CTBS: variants seen among roughly 807,000 people sequenced by gnomAD.
CTBS encodes di-N-acetylchitobiase.
CTBS carries 35 observed loss-of-function variants against 44.3 expected under a neutral mutation model. That is an observed-to-expected ratio of 0.79 (90% CI 0.60 to 1.05). The LOEUF is 1.05. CTBS is among the 50% of genes least tolerant of loss of function. The pLI is 0.00. For missense variants in CTBS, 458 were observed against 475.3 expected, an observed-to-expected ratio of 0.96 and a Z score of 0.34; for synonymous variants, 143 against 168.0, an observed-to-expected ratio of 0.85 and a Z score of 1.15.
At position 84,563,845 on chromosome 1, in the gene CTBS, G is replaced by A. The variant is rs769496248; in HGVS notation, c.698-13C>T. The A allele has an allele frequency of 1.3e-5, 20 of 1,593,816 alleles. No homozygotes were observed. The Middle Eastern group carries it at 6.7e-4, about 53-fold the overall frequency. ...TAGTCATTATATCCTAGTCAAGCAG[G>A]AGAGAAAAAGCATATTTGTTTCTCT... On this transcript the variant is annotated splice_polypyrimidine_tract_variant and intron_variant, in intron 4 of 6. Coordinates refer to ENST00000370630, the MANE Select transcript of CTBS (RefSeq NM_004388.3).
intron 6 of CTBS, among the ~76,000 whole-genome samples, chr1:84,559,350 G>A (rs1448355796): frequency 6.6e-6 from 1 of 152,196 alleles, no homozygotes; most frequent in Non-Finnish European, 1.5e-5. Context: ...GCTAGGCGCG[G>A]TAGCTCACGC....
At chr1:84,572,669 T>A (rs1647348497) in intron 1 of CTBS, among the ~76,000 whole-genome samples, 1 of 151,782 alleles carries the variant, frequency 6.6e-6, no homozygotes, top group Non-Finnish European at 1.5e-5. Context: ...CAGGTTTTTT[T>A]TTTTTCTCTT....
intron 4 of CTBS, among the ~76,000 whole-genome samples, chr1:84,564,965 G>C (rs1558628857): frequency 6.6e-6 from 1 of 152,046 alleles, no homozygotes; most frequent in Non-Finnish European, 1.5e-5. Context: ...CTTAAGCCCA[G>C]GAGGTCGAGG....
Position 84,550,458 on chromosome 1 carries a change from G to A in CTBS, c.*4541C>T, listed in dbSNP as rs752507153. ...ATTACCTAATAATCCAGATCACTGAGGTACAGCATGCAATTGACCAGCTTA... is the reference window on the plus strand; with the variant it reads ...ATTACCTAATAATCCAGATCACTGAAGTACAGCATGCAATTGACCAGCTTA... On this transcript the variant is annotated 3_prime_UTR_variant, in exon 7 of 7. Transcript: ENST00000370630. The A allele has an allele frequency of 1.6e-5, 25 of 1,560,466 alleles. No homozygotes were observed. Among genetic ancestry groups the A allele is most frequent in the Non-Finnish European group, 2.2e-5 (25 of 1,151,486 alleles).
chr1:84,572,218 A>AT (rs1419435343), intron 1 of CTBS, among the ~76,000 whole-genome samples: 7 of 151,316 alleles, frequency 4.6e-5, no homozygotes, highest in African/African-American at 2.5e-5. Flanking sequence ...GCATTTCTTA[A>AT]TTTTTTTTAA....
At chr1:84,570,550 T>G (rs1301036858) in intron 2 of CTBS, 32 bp downstream of exon 2, 2 of 1,572,236 alleles carry the variant, frequency 1.3e-6, no homozygotes, top group East Asian at 2.3e-5. Context: ...AATTTCCCAA[T>G]TGCTGCACAC....
intron 6 of CTBS, among the ~76,000 whole-genome samples, chr1:84,558,014 C>A (rs1684498627): frequency 6.6e-6 from 1 of 151,974 alleles, no homozygotes; most frequent in Non-Finnish European, 1.5e-5. Flanking sequence ...TTACCAGAGG[C>A]TGGGGGTGGG....
chr1:84,573,489 A>G (rs984589677), intron 1 of CTBS, among the ~76,000 whole-genome samples: 2 of 152,208 alleles, frequency 1.3e-5, no homozygotes, highest in Non-Finnish European at 2.9e-5. Context: ...ATGTATATAT[A>G]CTTTTTTACT....
intron 3 of CTBS, among the ~76,000 whole-genome samples, chr1:84,568,591 C>T (rs942115172): frequency 1.3e-5 from 2 of 152,176 alleles, no homozygotes; most frequent in African/African-American, 2.4e-5. Context: ...TCTCTAAGCT[C>T]TATCCCAGAC....
chr1:84,570,500 C>CT, intron 2 of CTBS, 82 bp downstream of exon 2: 1 of 1,276,916 alleles, frequency 7.8e-7, no homozygotes. Flanking sequence ...CATAAAAGGA[C>CT]TTTTTTGGAA....
rs149055213 is a variant in CTBS, at chr1:84,565,712, C to T, written c.697+129G>A. ...AAAGCTTTCAATTAAGTGATTTTTA[C>T]ATGTTTGAAGCAAGCCTTACAATTG... On this transcript the variant is annotated intron_variant, in intron 4 of 6. Coordinates refer to ENST00000370630, the MANE Select transcript of CTBS (RefSeq NM_004388.3). 1,559 of 424,874 alleles carry T rather than the reference C, an allele frequency of 3.7e-3. 9 individuals carry two copies. Among genetic ancestry groups the T allele is most frequent in the Middle Eastern group, 5.0e-3 (6 of 1,194 alleles). The allele number at this position is 424,874 out of a possible 1,614,324, so 26.3% of individuals were successfully genotyped here. A position where few individuals can be genotyped will look rare whatever the true frequency, so the allele number is the denominator to read the frequency against.
chr1:84,563,604 G>T, intron 5 of CTBS, 131 bp downstream of exon 5: 1 of 660,426 alleles, frequency 1.5e-6, no homozygotes, highest in Admixed American at 3.9e-5. Context: ...TTTCATAGAA[G>T]TAAAAATAAA....
chr1:84,553,023 T>G lies in CTBS; in HGVS notation c.*1976A>C. On this transcript the variant is annotated 3_prime_UTR_variant, in exon 7 of 7. Transcript: ENST00000370630. ...GATGAAGTTCATTTTTGAAAAGTAA[T>G]TCTTTTTATAGATGAGAAAACAAGC... The G allele has an allele frequency of 6.7e-7, 1 of 1,490,980 alleles. No individual in the cohort carries two copies. Among genetic ancestry groups the G allele is most frequent in the Non-Finnish European group, 9.0e-7 (1 of 1,111,540 alleles). 92.4% of individuals were successfully genotyped at this position (1,490,980 alleles called of 1,614,324 possible). A position where few individuals can be genotyped will look rare whatever the true frequency, so the allele number is the denominator to read the frequency against.
chr1:84,569,375 TG>T (rs1174829007), intron 3 of CTBS, among the ~76,000 whole-genome samples: 2 of 152,240 alleles, frequency 1.3e-5, no homozygotes, highest in African/African-American at 2.4e-5. Context: ...ATCACTGATC[TG>T]GGTTCACATT....
At chr1:84,570,501 T>A in intron 2 of CTBS, 81 bp downstream of exon 2, 1 of 1,288,568 alleles carries the variant, frequency 7.8e-7, no homozygotes, top group Non-Finnish European at 1.1e-6. Context: ...ATAAAAGGAC[T>A]TTTTTGGAAA....
intron 6 of CTBS, among the ~76,000 whole-genome samples, chr1:84,559,491 G>A (rs966003948): frequency 3.3e-5 from 5 of 152,144 alleles, no homozygotes; most frequent in Admixed American, 3.3e-4. Flanking sequence ...GCATGGTAGG[G>A]CATCCCTATA....
At position 84,552,765 on chromosome 1, in the gene CTBS, T is replaced by C. The variant is rs1244821216; in HGVS notation, c.*2234A>G. ...CAAAACATAAAATTCTTTCTCACTCTAGTTTTTAGAACAGTTCAATTGTAT... is the reference window on the plus strand; with the variant it reads ...CAAAACATAAAATTCTTTCTCACTCCAGTTTTTAGAACAGTTCAATTGTAT... On this transcript the variant is annotated 3_prime_UTR_variant, in exon 7 of 7. Transcript: ENST00000370630. The C allele has an allele frequency of 4.1e-6, 1 of 245,684 alleles. No homozygotes were observed. The highest frequency in any genetic ancestry group is 7.4e-5 in the East Asian group (1 of 13,490). 15.2% of individuals were successfully genotyped at this position (245,684 alleles called of 1,614,324 possible). A position where few individuals can be genotyped will look rare whatever the true frequency, so the allele number is the denominator to read the frequency against.
Position 84,563,717 on chromosome 1 carries a change from A to G in CTBS, c.795+18T>C, listed in dbSNP as rs896771767. The stretch of plus-strand genomic sequence containing the variant: ...TATAATAGATAATAAAAATTATGTA[A>G]CAAATGACTGTTCCTACCTCAGACA... On this transcript the variant is annotated intron_variant, in intron 5 of 6. Transcript: ENST00000370630. 2.8e-6 allele frequency: 4 copies of G among 1,441,330 alleles called. No homozygotes were observed. Among genetic ancestry groups the G allele is most frequent in the African/African-American group, 2.9e-5 (2 of 69,472 alleles). The allele number at this position is 1,441,330 out of a possible 1,614,324, so 89.3% of individuals were successfully genotyped here.
At position 84,563,435 on chromosome 1, in the gene CTBS, G is replaced by A; in HGVS notation, c.796-17C>T. 1.4e-6 allele frequency: 2 copies of A among 1,465,312 alleles called. No homozygotes were observed. Among genetic ancestry groups the A allele is most frequent in the Non-Finnish European group, 1.8e-6 (2 of 1,108,368 alleles). The allele number at this position is 1,465,312 out of a possible 1,614,324, so 90.8% of individuals were successfully genotyped here. On this transcript the variant is annotated splice_polypyrimidine_tract_variant and intron_variant, in intron 5 of 6. Transcript: ENST00000370630. ...AACATGATCCTAGAAATGCAAAAGT[G>A]CTCATGTTATATATTATCAATTATG... is the stretch of plus-strand genomic sequence containing the variant.
Sources: allele counts gnomAD v4.1 joint callset (sites outside exome capture counted in the v4.1 genomes callset), GRCh38; gene constraint gnomAD v4.1.1; transcripts MANE v1.5; gene names NCBI Gene and HGNC (gene_info 2026-07-23, HGNC 2026-07-21).